Variants in MTFR1 observed in about 807,000 individuals in gnomAD.
MTFR1 encodes the protein mitochondrial fission regulator 1, also known as chondrocyte protein with a poly-proline region.
In MTFR1, 28 loss-of-function variants were observed where a neutral mutation model predicts 38.8. The ratio of observed to expected loss-of-function variants is 0.72; its 90% CI spans 0.53 to 0.99. The LOEUF (loss-of-function observed/expected upper bound fraction) is 0.99, where lower values mean the gene tolerates loss of function less well. Ranked by LOEUF, MTFR1 falls within the 50% of genes least tolerant of loss-of-function variation. MTFR1 has a pLI of 0.00. For missense variants in MTFR1, 358 were observed against 395.5 expected (o/e 0.91, Z 0.81); for synonymous variants, 145 against 137.0 (o/e 1.06, Z -0.41).
downstream of MTFR1, among the ~76,000 whole-genome samples, chr8:65,773,536 T>C (rs189135582): frequency 1.3e-5 from 2 of 152,188 alleles, no homozygotes; most frequent in Admixed American, 6.5e-5. Flanking sequence ...TACCAAAACC[T>C]CAAGCCCGGT....
At chr8:65,681,679 T>G (rs1400566757) in intron 2 of MTFR1, among the ~76,000 whole-genome samples, 1 of 151,566 alleles carries the variant, frequency 6.6e-6, no homozygotes, top group Non-Finnish European at 1.5e-5. Context: ...TTGTTTTTTT[T>G]TTTTTTTTGC....
intron 3 of MTFR1, among the ~76,000 whole-genome samples, chr8:65,736,711 C>T (rs975019339): frequency 2.0e-5 from 3 of 151,184 alleles, no homozygotes; most frequent in Non-Finnish European, 2.9e-5. Context: ...GATCACGCCA[C>T]TGCACTCAAG....
intron 5 of MTFR1, among the ~76,000 whole-genome samples, chr8:65,706,213 TC>T (rs1805775795): frequency 6.6e-6 from 1 of 152,236 alleles, no homozygotes; most frequent in African/African-American, 2.4e-5. Context: ...AATTGATTTT[TC>T]CTTTTGCTTT....
chr8:65,766,306 A>C (rs1212183544), intron 3 of MTFR1, among the ~76,000 whole-genome samples: 1 of 152,196 alleles, frequency 6.6e-6, no homozygotes, highest in Non-Finnish European at 1.5e-5. Flanking sequence ...TTAATTTAGG[A>C]CTCAAAATAT....
chr8:65,771,794 G>A (rs1254846948), downstream of MTFR1, among the ~76,000 whole-genome samples: 3 of 145,920 alleles, frequency 2.1e-5, no homozygotes, highest in East Asian at 6.1e-4. Flanking sequence ...AGAATCGCTT[G>A]AACCTGGAAG....
intron 2 of MTFR1, among the ~76,000 whole-genome samples, chr8:65,671,369 C>A (rs1023566269): frequency 2.6e-5 from 4 of 151,898 alleles, no homozygotes; most frequent in Admixed American, 6.6e-5. Context: ...CCTATCTCTA[C>A]AAAAAATTTA....
chr8:65,661,637 A>T (rs929617609), intron 1 of MTFR1, among the ~76,000 whole-genome samples: 1 of 152,096 alleles, frequency 6.6e-6, no homozygotes, highest in African/African-American at 2.4e-5. Context: ...TCAAAAATAA[A>T]TACATAAATA....
intron 3 of MTFR1, chr8:65,721,796 CAT>C (rs1806387653): frequency 6.8e-6 from 1 of 146,478 alleles, no homozygotes; most frequent in African/African-American, 2.5e-5. Flanking sequence ...CTCTTTTGTC[CAT>C]TTTTTTTTTT....
chr8:65,705,251 G>A (rs934820085), intron 5 of MTFR1, among the ~76,000 whole-genome samples: 16 of 152,300 alleles, frequency 1.1e-4, no homozygotes, highest in South Asian at 2.1e-4. Flanking sequence ...TTGAACCTGG[G>A]GGGTGGAGAA....
At chr8:65,754,016 G>C (rs1341842079) in intron 3 of MTFR1, among the ~76,000 whole-genome samples, 2 of 152,004 alleles carry the variant, frequency 1.3e-5, no homozygotes, top group Non-Finnish European at 2.9e-5. Context: ...CTCTAAAGGG[G>C]AGTTAAGTAT....
At chr8:65,700,359 AAAAAAAAG>A (rs1195079236) in intron 4 of MTFR1, among the ~76,000 whole-genome samples, 80 of 151,596 alleles carry the variant, frequency 5.3e-4, no homozygotes, top group African/African-American at 1.8e-3. Flanking sequence ...TAAAAAAAAA[AAAAAAAAG>A]AAAAAAGAAA....
intron 3 of MTFR1, among the ~76,000 whole-genome samples, chr8:65,726,275 C>T (rs761908037): frequency 9.9e-5 from 15 of 152,148 alleles, no homozygotes; most frequent in South Asian, 2.1e-4. Context: ...CCATCACCAT[C>T]GTGTTAGCCT....
intron 3 of MTFR1, chr8:65,739,448 A>C: frequency 2.0e-6 from 3 of 1,493,278 alleles, no homozygotes; most frequent in Non-Finnish European, 2.7e-6. Flanking sequence ...AAACTTAAAC[A>C]GGTTCTTGTA....
intron 3 of MTFR1, among the ~76,000 whole-genome samples, chr8:65,768,751 T>A (rs181245226): frequency 5.3e-5 from 8 of 152,208 alleles, no homozygotes; most frequent in Non-Finnish European, 1.2e-4. Flanking sequence ...TAACAATGAC[T>A]TCTTTATGTA....
chr8:65,648,454 C>T (rs1046639090), intron 1 of MTFR1, among the ~76,000 whole-genome samples: 2 of 152,046 alleles, frequency 1.3e-5, no homozygotes, highest in Non-Finnish European at 2.9e-5. Context: ...AAAAATATGT[C>T]AGCTGGGAGA....
intron 5 of MTFR1, 44 bp from the exon 6 acceptor site, chr8:65,706,966 C>T (rs1255493830): frequency 6.5e-7 from 1 of 1,533,614 alleles, no homozygotes; most frequent in Non-Finnish European, 8.7e-7. Context: ...ATTTTCTTTG[C>T]TTAATACCAG....
chr8:65,727,424 C>A, intron 3 of MTFR1: 2 of 1,390,388 alleles, frequency 1.4e-6, no homozygotes, highest in South Asian at 2.8e-5. Flanking sequence ...TCACGTCATT[C>A]CTCAGGTGGT....
upstream of MTFR1, among the ~76,000 whole-genome samples, chr8:65,644,106 A>G (rs573707088): frequency 3.3e-5 from 5 of 152,368 alleles, no homozygotes; most frequent in East Asian, 9.6e-4. Flanking sequence ...TTAGCTAGAA[A>G]TGTAATAATC....
chr8:65,680,381 T>C (rs950174602), intron 2 of MTFR1, among the ~76,000 whole-genome samples: 26 of 152,046 alleles, frequency 1.7e-4, no homozygotes, highest in African/African-American at 6.0e-4. Flanking sequence ...CCCAGGCTGG[T>C]CTCAAACTTC....
Sources: gnomAD v4.1 joint callset for allele counts (sites outside exome capture counted in the v4.1 genomes callset) on GRCh38, gnomAD v4.1.1 for gene constraint, MANE v1.5 for transcripts, NCBI Gene and HGNC (gene_info 2026-07-23, HGNC 2026-07-21) for gene names.